The following PPARGC1B variants were observed in gnomAD, a reference collection of about 807,000 sequenced individuals.
PPARGC1B encodes PPARG coactivator 1 beta.
In PPARGC1B, 34 loss-of-function variants were observed where a neutral mutation model predicts 101.6. The ratio of observed to expected loss-of-function variants is 0.33; its 90% CI spans 0.25 to 0.45. The LOEUF is 0.45. Ranked by LOEUF, PPARGC1B falls within the 20% of genes least tolerant of loss-of-function variation. The probability of loss-of-function intolerance (pLI) is 1.00; values close to 1 mark genes in which losing one functional copy is unlikely to be tolerated. For missense variants in PPARGC1B, 1,234 were observed against 1,317.6 expected (o/e 0.94, Z 0.98); for synonymous variants, 548 against 539.3 (o/e 1.02, Z -0.22).
rs1295552312 is a variant in PPARGC1B at position 149,853,568 on chromosome 5, A to C, written c.*6010A>C. 2.0e-5 allele frequency: 3 copies of C among 152,220 alleles called. No homozygotes were observed. Among genetic ancestry groups the C allele is most frequent in the Non-Finnish European group, 4.4e-5 (3 of 68,038 alleles). 9.4% of individuals were successfully genotyped at this position (152,220 alleles called of 1,614,324 possible). A position where few individuals can be genotyped will look rare whatever the true frequency, so the allele number is the denominator to read the frequency against. ...AATTCTGCCCTCAAGGCAAGATAAG[A>C]AGTTGGGTGTAAGGATTTTGTGGGG... On this transcript the variant is annotated 3_prime_UTR_variant, in exon 12 of 12. Coordinates refer to ENST00000309241, the MANE Select transcript of PPARGC1B (RefSeq NM_133263.4). This position sits in a 1 kb window ranked among gnomAD's most constrained non-coding sequence, Gnocchi z 4.2.
rs756253235 is a variant in PPARGC1B, at chr5:149,833,203, C to G, written c.1130C>G (p.Pro377Arg). The change falls in exon 5 of 12, where the codon CCC becomes CGC. Residue 377 changes from proline (P) to arginine (R), a missense_variant. Physicochemically the swap from Pro to Arg is moderately radical, Grantham distance 103. Around this residue, in one of 3 missense-constraint regions of PPARGC1B, gnomAD observed 734 missense variants for 768.4 expected, o/e 0.96. Coordinates refer to ENST00000309241, the MANE Select transcript of PPARGC1B (RefSeq NM_133263.4). The surrounding 1 kb of genome is among the most constrained non-coding windows in gnomAD (Gnocchi z 4.1). ...CTCACACCTCGGTCAAGGCCCAGGC[C>G]CCCCAAAGACAGTCAGGCCTCCCCT... ...ASLTPRSRPRPPKDSQASPGR... is the reference protein window; with the variant it reads ...ASLTPRSRPRRPKDSQASPGR... 1 of 1,613,350 alleles carries G rather than the reference C, an allele frequency of 6.2e-7. No individual in the cohort carries two copies. The highest frequency in any genetic ancestry group is 8.5e-7 in the Non-Finnish European group (1 of 1,180,006).
chr5:149,745,544 C>G (rs1489706446), intron 1 of PPARGC1B, among the ~76,000 whole-genome samples: 5 of 152,148 alleles, frequency 3.3e-5, no homozygotes, highest in Non-Finnish European at 7.3e-5. Flanking sequence ...CCAGTTCCCT[C>G]CCCTCTCTCT....
rs772066062 is a variant in PPARGC1B, at chr5:149,833,153, T to A, written c.1080T>A (p.Arg360=). ...DVLCDVSKPY[R]LATPVYASLT... is the part of the protein sequence containing the mutation. Reference sequence around the variant, plus strand: ...TCTGTGATGTCAGCAAACCCTACCGTCTGGCCACGCCTGTTTATGCCTCCC... The same window carrying A: ...TCTGTGATGTCAGCAAACCCTACCGACTGGCCACGCCTGTTTATGCCTCCC... The change falls in exon 5 of 12, where the codon CGT becomes CGA. Residue 360 remains arginine (R), a synonymous_variant. Coordinates refer to ENST00000309241, the MANE Select transcript of PPARGC1B (RefSeq NM_133263.4). This position sits in a 1 kb window ranked among gnomAD's most constrained non-coding sequence, Gnocchi z 4.1. The A allele has an allele frequency of 5.6e-6, 9 of 1,613,624 alleles. No individual in the cohort carries two copies.
chr5:149,814,929 TACAA>T (rs1757997825), intron 1 of PPARGC1B, among the ~76,000 whole-genome samples: 1 of 152,258 alleles, frequency 6.6e-6, no homozygotes, highest in Non-Finnish European at 1.5e-5. Flanking sequence ...ACACGGGCCG[TACAA>T]ACAGTGTGTT....
chr5:149,849,985 T>C lies in PPARGC1B; in HGVS notation c.*2427T>C, dbSNP rs1362617449. 1 of 152,220 alleles carries C rather than the reference T, an allele frequency of 6.6e-6. No homozygotes were observed. Among genetic ancestry groups the C allele is most frequent in the Non-Finnish European group, 1.5e-5 (1 of 68,038 alleles). 9.4% of individuals were successfully genotyped at this position (152,220 alleles called of 1,614,324 possible). A position where few individuals can be genotyped will look rare whatever the true frequency, so the allele number is the denominator to read the frequency against. ...TATGGAATGGGATAAAATTTAGATC[T>C]TTCTGCTGCCTCCACTAAGTTAAGT... On this transcript the variant is annotated 3_prime_UTR_variant, in exon 12 of 12. Transcript: ENST00000309241.
At chr5:149,740,635 A>G (rs554499422) in intron 1 of PPARGC1B, among the ~76,000 whole-genome samples, 2 of 152,350 alleles carry the variant, frequency 1.3e-5, no homozygotes, top group South Asian at 2.1e-4. Context: ...TTAACTGCCT[A>G]TGGTTTAAAT....
At chr5:149,825,195 A>G (rs971236173) in intron 2 of PPARGC1B, among the ~76,000 whole-genome samples, 7 of 152,226 alleles carry the variant, frequency 4.6e-5, no homozygotes, top group African/African-American at 1.7e-4. Context: ...GGCTGGGGGA[A>G]CACACGCCGA....
At chr5:149,770,792 A>G (rs1366685720) in intron 1 of PPARGC1B, among the ~76,000 whole-genome samples, 1 of 151,304 alleles carries the variant, frequency 6.6e-6, no homozygotes. Flanking sequence ...TGATCACTGC[A>G]CTCCAGCCCG....
intron 1 of PPARGC1B, among the ~76,000 whole-genome samples, chr5:149,738,849 C>A (rs186359196): frequency 5.9e-5 from 9 of 152,366 alleles, no homozygotes; most frequent in Admixed American, 5.9e-4. Flanking sequence ...CTCGCCTCGG[C>A]CTCCCAAAAT....
At chr5:149,841,191 A>G (rs1450090761) in intron 9 of PPARGC1B, among the ~76,000 whole-genome samples, 1 of 152,170 alleles carries the variant, frequency 6.6e-6, no homozygotes, top group Non-Finnish European at 1.5e-5. Context: ...GTTGAGGAAG[A>G]TGTGTTTATG....
chr5:149,855,933 G>A (rs1455615169), downstream of PPARGC1B, among the ~76,000 whole-genome samples: 1 of 151,968 alleles, frequency 6.6e-6, no homozygotes, highest in South Asian at 2.1e-4. Context: ...CCTGGCCAAC[G>A]TGGTGAAACC....
chr5:149,744,885 T>C (rs1755031753), intron 1 of PPARGC1B, among the ~76,000 whole-genome samples: 1 of 149,790 alleles, frequency 6.7e-6, no homozygotes, highest in African/African-American at 2.5e-5. Flanking sequence ...CTTTAGAGTC[T>C]GGTTCAAATT....
chr5:149,769,407 A>G (rs1008972779), intron 1 of PPARGC1B, among the ~76,000 whole-genome samples: 2 of 152,146 alleles, frequency 1.3e-5, no homozygotes, highest in East Asian at 3.8e-4. Context: ...ACAAATGACA[A>G]TGGCAATGTG....
chr5:149,809,687 TAAAAAAA>T (rs35168335), intron 1 of PPARGC1B, among the ~76,000 whole-genome samples: 13 of 109,210 alleles, frequency 1.2e-4, no homozygotes, highest in South Asian at 9.2e-4. Flanking sequence ...GATCCTTTCT[TAAAAAAA>T]AAAAAAAAAA....
chr5:149,786,267 A>G (rs1031986544), intron 1 of PPARGC1B, among the ~76,000 whole-genome samples: 3 of 151,838 alleles, frequency 2.0e-5, no homozygotes, highest in African/African-American at 7.3e-5. Context: ...TAATTTTTGT[A>G]TATTTTTTAG....
chr5:149,762,650 A>G (rs1755758219), intron 1 of PPARGC1B, among the ~76,000 whole-genome samples: 1 of 152,156 alleles, frequency 6.6e-6, no homozygotes, highest in Admixed American at 6.5e-5. Flanking sequence ...GTTTCTGCCT[A>G]ATGCTTGTAT....
intron 1 of PPARGC1B, chr5:149,771,930 A>C: frequency 1.8e-6 from 2 of 1,124,270 alleles, no homozygotes. Flanking sequence ...AAGCTTTAGC[A>C]TTCTGCTTTA....
At chr5:149,752,197 C>T (rs528953540) in intron 1 of PPARGC1B, among the ~76,000 whole-genome samples, 5 of 152,158 alleles carry the variant, frequency 3.3e-5, no homozygotes, top group South Asian at 4.1e-4. Context: ...TACTATGTAC[C>T]GCATCTCTCT....
chr5:149,846,101 C>T, intron 11 of PPARGC1B, 187 bp downstream of exon 11: 1 of 670,796 alleles, frequency 1.5e-6, no homozygotes, highest in South Asian at 1.8e-5. Context: ...CTCTTCTGGC[C>T]TCTGGTCCAC....
Sources: gnomAD v4.1 joint callset for allele counts (sites outside exome capture counted in the v4.1 genomes callset) on GRCh38, gnomAD v4.1.1 for gene constraint, gnomAD v4.1.1 regional missense constraint, Gnocchi (gnomAD v3.1) non-coding constraint, MANE v1.5 for transcripts, NCBI Gene and HGNC (gene_info 2026-07-23, HGNC 2026-07-21) for gene names.